Variants in PTCSC3 observed in about 807,000 individuals in gnomAD.
PTCSC3 encodes papillary thyroid carcinoma susceptibility candidate 3.
chr14:36,159,873 G>T (rs1881915472), intron 2 of PTCSC3, among the ~76,000 whole-genome samples: 1 of 152,086 alleles, frequency 6.6e-6, no homozygotes, highest in African/African-American at 2.4e-5. Context: ...CTCTTTGTAG[G>T]TCTCTAAGGA....
chr14:36,169,030 T>G (rs1003681307), intron 1 of PTCSC3, among the ~76,000 whole-genome samples: 5 of 152,060 alleles, frequency 3.3e-5, no homozygotes, highest in Admixed American at 1.3e-4. Context: ...GACCCCTTTA[T>G]TTTACACATT....
intron 1 of PTCSC3, among the ~76,000 whole-genome samples, chr14:36,173,724 T>G (rs996226974): frequency 2.6e-5 from 4 of 152,066 alleles, no homozygotes; most frequent in African/African-American, 9.7e-5. Context: ...ATCTTGGAGA[T>G]TTAAATTTCT....
At chr14:36,149,559 G>A (rs950531048) in intron 3 of PTCSC3, among the ~76,000 whole-genome samples, 10 of 152,108 alleles carry the variant, frequency 6.6e-5, no homozygotes, top group Non-Finnish European at 1.5e-4. Flanking sequence ...CTGGATCTGT[G>A]CATTACAGAT....
chr14:36,169,248 G>A (rs1323682536), intron 1 of PTCSC3, among the ~76,000 whole-genome samples: 1 of 151,940 alleles, frequency 6.6e-6, no homozygotes, highest in African/African-American at 2.4e-5. Flanking sequence ...TGGAAAATGT[G>A]TCCTAAATAT....
chr14:36,160,122 T>C (rs566347319), intron 2 of PTCSC3, among the ~76,000 whole-genome samples: 2 of 152,284 alleles, frequency 1.3e-5, no homozygotes, highest in East Asian at 3.9e-4. Context: ...ATGTGTGTCT[T>C]TGCATGTGTG....
rs372466101 is a variant in PTCSC3, at chr14:36,147,175, C to T, written n.322+6629G>A. Among the ~76,000 whole-genome samples, 8 of 152,102 alleles carry T rather than the reference C, an allele frequency of 5.3e-5. No individual in the cohort carries two copies. The South Asian group carries it at 6.3e-4, about 12-fold the overall frequency. On this transcript the variant is annotated intron_variant and non_coding_transcript_variant, in intron 3 of 3. Coordinates refer to ENST00000556013, the Ensembl canonical transcript of PTCSC3. ...CTCTTCTGGAGGAGTATCTTTGTGG[C>T]GTTCTCTGTATTTCCTGAATCTGAA...
At chr14:36,150,335 T>C (rs1297551775) in intron 3 of PTCSC3, among the ~76,000 whole-genome samples, 1 of 152,156 alleles carries the variant, frequency 6.6e-6, no homozygotes, top group Non-Finnish European at 1.5e-5. Context: ...TTCACAACTT[T>C]CACCACATGA....
intron 3 of PTCSC3, among the ~76,000 whole-genome samples, chr14:36,146,784 T>C (rs919742764): frequency 6.6e-6 from 1 of 152,234 alleles, no homozygotes; most frequent in African/African-American, 2.4e-5. Context: ...TTGGCATGAT[T>C]TTGCAGCGGC....
Position 36,162,281 on chromosome 14 carries a change from A to C in PTCSC3, n.231+343T>G, listed in dbSNP as rs1317635984. Among the ~76,000 whole-genome samples the C allele has an allele frequency of 4.1e-5, 5 of 120,648 alleles. No individual in the cohort carries two copies. In the East Asian group the frequency reaches 7.1e-4, roughly 17 times the overall value. The allele number at this position is 120,648 out of a possible 152,430, so 79.1% of individuals were successfully genotyped here. On this transcript the variant is annotated intron_variant and non_coding_transcript_variant, in intron 2 of 3. Transcript: ENST00000556013. ...TGGAAAAAAAAAAAAAAAAAAAAAAAAAAACTCCTGCAGCCAGCTCAGTGT... is the reference window on the plus strand; with the variant it reads ...TGGAAAAAAAAAAAAAAAAAAAAAACAAAACTCCTGCAGCCAGCTCAGTGT...
chr14:36,163,981 A>G (rs1882032257), intron 1 of PTCSC3: 1 of 152,230 alleles, frequency 6.6e-6, no homozygotes, highest in South Asian at 2.1e-4. Context: ...TGTCAGGAGA[A>G]GATTAAAATA....
intron 2 of PTCSC3, among the ~76,000 whole-genome samples, chr14:36,160,791 T>C (rs1051857654): frequency 2.0e-5 from 3 of 152,188 alleles, no homozygotes; most frequent in African/African-American, 7.2e-5. Flanking sequence ...TTGGGGGAGT[T>C]CTCCTGGATA....
intron 3 of PTCSC3, among the ~76,000 whole-genome samples, chr14:36,140,071 A>G (rs974441567): frequency 6.6e-6 from 1 of 152,178 alleles, no homozygotes; most frequent in Non-Finnish European, 1.5e-5. Context: ...GATGTCATGT[A>G]GTTGGAATGA....
chr14:36,176,117 C>G (rs993626005), intron 1 of PTCSC3, among the ~76,000 whole-genome samples: 5 of 152,132 alleles, frequency 3.3e-5, no homozygotes, highest in African/African-American at 1.2e-4. Flanking sequence ...AGTGATTAAA[C>G]TGTCCTTTCT....
intron 3 of PTCSC3, among the ~76,000 whole-genome samples, chr14:36,146,499 G>C (rs1352064562): frequency 1.3e-5 from 2 of 150,770 alleles, no homozygotes; most frequent in Non-Finnish European, 3.0e-5. Context: ...GCCTTTTTTT[G>C]TTTTCCATTT....
chr14:36,151,315 G>A (rs1397323248), intron 3 of PTCSC3, among the ~76,000 whole-genome samples: 2 of 151,288 alleles, frequency 1.3e-5, no homozygotes, highest in Non-Finnish European at 2.9e-5. Context: ...CTTTTTTCAA[G>A]ATGTTTTGTT....
At chr14:36,154,231 C>A (rs1881783329) in intron 2 of PTCSC3, among the ~76,000 whole-genome samples, 1 of 151,948 alleles carries the variant, frequency 6.6e-6, no homozygotes, top group African/African-American at 2.4e-5. Flanking sequence ...GAGGGGACAC[C>A]ATGAGGGCTT....
chr14:36,159,233 C>T (rs79756377), intron 2 of PTCSC3, among the ~76,000 whole-genome samples: 88,488 of 145,288 alleles, frequency 0.61, 27,657 homozygotes, highest in Middle Eastern at 0.69. Flanking sequence ...GTTTTTTTTG[C>T]GTCTTTATTT....
rs1180333604 is a variant in PTCSC3 at position 36,158,207 on chromosome 14, A to T, written n.232-4313T>A. Among the ~76,000 whole-genome samples the T allele has an allele frequency of 2.0e-5, 3 of 152,190 alleles. No homozygotes were observed. In the East Asian group the frequency reaches 5.8e-4, roughly 29 times the overall value. On this transcript the variant is annotated intron_variant and non_coding_transcript_variant, in intron 2 of 3. Transcript: ENST00000556013. The stretch of plus-strand genomic sequence containing the variant: ...AATCATGTCATCTGCAAACAGAGAC[A>T]ATTTGACTTCCTCTTTTCTTAATTG...
At chr14:36,168,102 C>G (rs905069356) in intron 1 of PTCSC3, among the ~76,000 whole-genome samples, 12 of 151,920 alleles carry the variant, frequency 7.9e-5, no homozygotes, top group African/African-American at 2.9e-4. Flanking sequence ...TATTGTTGCT[C>G]CTGATGCTCA....
Sources: allele counts gnomAD v4.1 joint callset (sites outside exome capture counted in the v4.1 genomes callset), GRCh38; gene constraint gnomAD v4.1.1; transcripts MANE v1.5; gene names NCBI Gene and HGNC (gene_info 2026-07-23, HGNC 2026-07-21).